DCDC2: variants seen among roughly 807,000 people sequenced by gnomAD.
The protein encoded by DCDC2 is doublecortin domain containing 2, also known as doublecortin domain-containing protein 2.
A neutral mutation model predicts 50.2 loss-of-function variants in DCDC2; 40 were observed. The ratio of observed to expected loss-of-function variants is 0.80; its 90% CI spans 0.62 to 1.04. The LOEUF (loss-of-function observed/expected upper bound fraction) is 1.04. DCDC2 is among the 50% of genes least tolerant of loss of function. The probability of loss-of-function intolerance (pLI) is 0.00; values close to 1 mark genes in which losing one functional copy is unlikely to be tolerated. For synonymous variants in DCDC2, 234 were observed against 210.6 expected, an observed-to-expected ratio of 1.11 and a Z score of -0.96; for missense variants, 570 against 581.9, an observed-to-expected ratio of 0.98 and a Z score of 0.21.
At chr6:24,293,865 A>G (rs757233365) in intron 4 of DCDC2, among the ~76,000 whole-genome samples, 4 of 152,234 alleles carry the variant, frequency 2.6e-5, no homozygotes, top group Non-Finnish European at 4.4e-5. Flanking sequence ...ATAGAAACCA[A>G]GACTTTAAAA....
chr6:24,291,106 A>G (rs1212651064), intron 4 of DCDC2, 28 bp from the exon 5 acceptor site: 3 of 1,595,614 alleles, frequency 1.9e-6, no homozygotes, highest in Non-Finnish European at 2.6e-6. Flanking sequence ...ACCAACAATT[A>G]GAATTTTAAC....
chr6:24,260,404 A>G lies in DCDC2; in HGVS notation c.922+17645T>C, dbSNP rs1414519539. 2.6e-5 allele frequency among the ~76,000 whole-genome samples: 4 copies of G among 152,186 alleles called. No individual in the cohort carries two copies. In the East Asian group the frequency reaches 5.8e-4, roughly 22 times the overall value. On this transcript the variant is annotated intron_variant, in intron 7 of 9. Coordinates refer to ENST00000378454, the MANE Select transcript of DCDC2 (RefSeq NM_016356.5). The stretch of plus-strand genomic sequence containing the variant: ...CTCTTTTGGCACTTTCTACTTTACA[A>G]AAGTGTTTTCTCAGTCATAATGTTT...
intron 2 of DCDC2, among the ~76,000 whole-genome samples, chr6:24,317,476 T>C (rs923665833): frequency 6.6e-6 from 1 of 152,076 alleles, no homozygotes; most frequent in Non-Finnish European, 1.5e-5. Context: ...CCATATCTTA[T>C]ACTATAGACA....
intron 2 of DCDC2, among the ~76,000 whole-genome samples, chr6:24,322,479 T>C (rs1759789641): frequency 7.4e-6 from 1 of 135,966 alleles, no homozygotes; most frequent in East Asian, 2.3e-4. Flanking sequence ...TCCTTTCCCC[T>C]TTGTTTTCCT....
intron 7 of DCDC2, among the ~76,000 whole-genome samples, chr6:24,272,370 A>G (rs1300822211): frequency 6.6e-6 from 1 of 152,208 alleles, no homozygotes; most frequent in Non-Finnish European, 1.5e-5. Flanking sequence ...TTATCATACT[A>G]GTACTTGATG....
chr6:24,270,107 C>T (rs991783869), intron 7 of DCDC2, among the ~76,000 whole-genome samples: 2 of 152,178 alleles, frequency 1.3e-5, no homozygotes, highest in Admixed American at 1.3e-4. Flanking sequence ...TCAAAACACA[C>T]ACACGAGAGC....
chr6:24,215,243 T>C (rs114808180), intron 7 of DCDC2, among the ~76,000 whole-genome samples: 2,201 of 152,252 alleles, frequency 0.014, 16 homozygotes, highest in Middle Eastern at 0.044. Flanking sequence ...ATGCAAAGGC[T>C]TGGAGGCATT....
chr6:24,291,375 T>A (rs1166980084), intron 4 of DCDC2, among the ~76,000 whole-genome samples: 1 of 152,164 alleles, frequency 6.6e-6, no homozygotes, highest in East Asian at 1.9e-4. Flanking sequence ...GCTGCCATAT[T>A]AAAATTTTAG....
At position 24,204,988 on chromosome 6, in the gene DCDC2, G is replaced by A. The variant is rs1237059249; in HGVS notation, c.1023+14C>T. 1 of 1,604,718 alleles carries A rather than the reference G, an allele frequency of 6.2e-7. No individual in the cohort carries two copies. The highest frequency in any genetic ancestry group is 8.5e-7 in the Non-Finnish European group (1 of 1,175,144). On this transcript the variant is annotated intron_variant, in intron 8 of 9. Transcript: ENST00000378454. ...TAATTGTCTTACACATATTTTTTAA[G>A]GCATGGAGATTACCTGATCGACTGG...
intron 7 of DCDC2, among the ~76,000 whole-genome samples, chr6:24,226,342 T>C (rs541241121): frequency 1.3e-5 from 2 of 152,344 alleles, no homozygotes; most frequent in East Asian, 3.9e-4. Context: ...AAGAAAAGAA[T>C]GATTCTTTCT....
intron 7 of DCDC2, among the ~76,000 whole-genome samples, chr6:24,210,346 A>T (rs1263490011): frequency 6.6e-6 from 1 of 152,110 alleles, no homozygotes; most frequent in Non-Finnish European, 1.5e-5. Context: ...TTGACACTTC[A>T]CCTTGGATGT....
chr6:24,338,594 G>A (rs144338425), intron 2 of DCDC2, among the ~76,000 whole-genome samples: 1 of 152,278 alleles, frequency 6.6e-6, no homozygotes, highest in East Asian at 1.9e-4. Flanking sequence ...GTAGCAATAA[G>A]AGTCATTGTG....
rs374633846 is a variant in DCDC2, at chr6:24,284,438, T to C, written c.759+4414A>G. Among the ~76,000 whole-genome samples, 309 of 150,922 alleles carry C rather than the reference T, an allele frequency of 2.0e-3. 2 individuals carry two copies. The highest frequency in any genetic ancestry group is 7.3e-3 in the African/African-American group (300 of 41,022). On this transcript the variant is annotated intron_variant, in intron 6 of 9. Transcript: ENST00000378454. ...CTTGCCAAGATGGTGAAACCCCGTC[T>C]CTACTAAAAAAAAAAATACAAAAAT...
At chr6:24,256,562 T>C (rs1390022126) in intron 7 of DCDC2, among the ~76,000 whole-genome samples, 1 of 152,174 alleles carries the variant, frequency 6.6e-6, no homozygotes, top group African/African-American at 2.4e-5. Flanking sequence ...TGCTGGGTAT[T>C]TCTGCTAGTT....
intron 6 of DCDC2, among the ~76,000 whole-genome samples, chr6:24,286,372 C>T (rs1019539259): frequency 4.6e-5 from 7 of 152,118 alleles, no homozygotes; most frequent in South Asian, 4.1e-4. Context: ...GCAGGCCGAT[C>T]GCTGGAGCCC....
At chr6:24,373,264 C>T in the DCDC2 span, among the ~76,000 whole-genome samples, 1 of 152,342 alleles carries the variant, frequency 6.6e-6, no homozygotes, top group South Asian at 2.1e-4. Flanking sequence ...AACTCCTGCA[C>T]ATGTGCATCA....
At chr6:24,322,629 T>G (rs999606630) in intron 2 of DCDC2, among the ~76,000 whole-genome samples, 1 of 152,108 alleles carries the variant, frequency 6.6e-6, no homozygotes, top group African/African-American at 2.4e-5. Flanking sequence ...TAAAACTTGG[T>G]CCCCACAATC....
chr6:24,211,910 T>A (rs1761879524), intron 7 of DCDC2, among the ~76,000 whole-genome samples: 1 of 152,098 alleles, frequency 6.6e-6, no homozygotes, highest in African/African-American at 2.4e-5. Context: ...ACAACATGTG[T>A]CTAGAAATTA....
At chr6:24,241,094 GGCTTATAAA>G (rs1446882422) in intron 7 of DCDC2, among the ~76,000 whole-genome samples, 1 of 152,034 alleles carries the variant, frequency 6.6e-6, no homozygotes, top group Non-Finnish European at 1.5e-5. Context: ...TTTTACCTTT[GGCTTATAAA>G]GCCCATGACC....
Sources: gnomAD v4.1 joint callset for allele counts (sites outside exome capture counted in the v4.1 genomes callset) on GRCh38, gnomAD v4.1.1 for gene constraint, MANE v1.5 for transcripts, NCBI Gene and HGNC (gene_info 2026-07-23, HGNC 2026-07-21) for gene names.